C1orf167: variants seen among roughly 807,000 people sequenced by gnomAD.
C1orf167 encodes the protein chromosome 1 open reading frame 167, also known as uncharacterized protein C1orf167.
Under a neutral mutation model 176.5 loss-of-function variants are expected in C1orf167, and 153 were observed. That is an observed-to-expected ratio of 0.87 (90% CI 0.76 to 0.99). The LOEUF is 0.99. Among genes scored for constraint, C1orf167 ranks in the 50% least tolerant of loss-of-function variants. C1orf167 has a pLI of 0.00. For missense variants in C1orf167, 1,490 were observed against 1,817.7 expected (o/e 0.82, Z 3.28); for synonymous variants, 594 against 752.7 (o/e 0.79, Z 3.45).
Position 11,766,321 on chromosome 1 carries a change from G to A in C1orf167, c.535G>A (p.Gly179Arg), listed in dbSNP as rs920828705. ...GCTGCCGGCCCCAGGCACCCCTAGC[G>A]GGGACTTCAGGCCCACTGAAGCCTT... is the stretch of plus-strand genomic sequence containing the variant. ...SGLPAPGTPSGDFRPTEAFAP... is the reference protein window; with the variant it reads ...SGLPAPGTPSRDFRPTEAFAP... Residue 179 changes from glycine to arginine, a missense_variant, in exon 3 of 21, where the codon GGG (glycine) becomes AGG (arginine). Coordinates refer to ENST00000688073, the MANE Select transcript of C1orf167 (RefSeq NM_001010881.2). The surrounding 1 kb of genome is among the most constrained non-coding windows in gnomAD (Gnocchi z 4.5). 48 of 1,287,526 alleles carry A rather than the reference G, an allele frequency of 3.7e-5. No individual in the cohort carries two copies. The highest frequency in any genetic ancestry group is 5.6e-5 in the East Asian group (1 of 18,012). 79.8% of individuals were successfully genotyped at this position (1,287,526 alleles called of 1,614,324 possible).
chr1:11,765,878 G>T lies in C1orf167; in HGVS notation c.92G>T (p.Ser31Ile). Residue 31 changes from serine (S) to isoleucine (I), a missense_variant, in exon 3 of 21, where the codon AGC (serine) becomes ATC (isoleucine). Coordinates refer to ENST00000688073, the MANE Select transcript of C1orf167 (RefSeq NM_001010881.2). Reference protein sequence around the residue: ...PKPEQRRFRRSLGIGLSGRHD... With the variant: ...PKPEQRRFRRILGIGLSGRHD... ...TTAGAGCAACGAAGATTCCGGAGGA[G>T]CCTGGGCATCGGCCTGAGTGGTAGA... 8.4e-7 allele frequency: 1 copy of T among 1,195,834 alleles called. No homozygotes were observed. The highest frequency in any genetic ancestry group is 1.1e-6 in the Non-Finnish European group (1 of 943,930). The allele number at this position is 1,195,834 out of a possible 1,614,324, so 74.1% of individuals were successfully genotyped here. A position where few individuals can be genotyped will look rare whatever the true frequency, so the allele number is the denominator to read the frequency against.
intron 6 of C1orf167, 28 bp from the exon 7 acceptor site, chr1:11,771,496 G>C: frequency 7.8e-7 from 1 of 1,278,428 alleles, no homozygotes; most frequent in Non-Finnish European, 1.0e-6. Context: ...CGGGTCATCA[G>C]CTTCTCTCTG....
Position 11,779,907 on chromosome 1 carries a change from G to A in C1orf167, c.2757G>A (p.Trp919Ter). 7.7e-7 allele frequency: 1 copy of A among 1,302,930 alleles called. No homozygotes were observed. The highest frequency in any genetic ancestry group is 1.0e-6 in the Non-Finnish European group (1 of 988,776). 80.7% of individuals were successfully genotyped at this position (1,302,930 alleles called of 1,614,324 possible). The part of the protein sequence containing the change: ...DRTCRAVLGL[W>*]RQRLLQSRLV... ...CCTGCAGGGCTGTGCTGGGCCTGTG[G>A]CGTCAGCGGCTGCTGCAGTCACGGC... The change falls in exon 13 of 21, where the codon TGG (tryptophan) becomes TGA (stop). Residue 919 changes from tryptophan to a stop codon, truncating the protein, a stop_gained. Transcript: ENST00000688073. LOFTEE classifies it high-confidence loss of function.
rs1164679907 is a variant in C1orf167, at chr1:11,765,846, C to G, written c.71-11C>G. The G allele has an allele frequency of 8.4e-7, 1 of 1,189,092 alleles. No homozygotes were observed. The highest frequency in any genetic ancestry group is 1.1e-6 in the Non-Finnish European group (1 of 940,030). 73.7% of individuals were successfully genotyped at this position (1,189,092 alleles called of 1,614,324 possible). A position where few individuals can be genotyped will look rare whatever the true frequency, so the allele number is the denominator to read the frequency against. The stretch of plus-strand genomic sequence containing the variant: ...AGCCACCCAAGTCATGACTGTCTCT[C>G]CTCTCTTTAGAGCAACGAAGATTCC... On this transcript the variant is annotated splice_polypyrimidine_tract_variant and intron_variant, in intron 2 of 20. Coordinates refer to ENST00000688073, the MANE Select transcript of C1orf167 (RefSeq NM_001010881.2).
Position 11,766,747 on chromosome 1 carries a change from C to T in C1orf167, c.961C>T (p.Gln321Ter), listed in dbSNP as rs1271742453. ...GGCTAGTCTCTCAGACTCTTGGGCA[C>T]AAAGCAAGCTAATGTCACCTGAGAC... ...TPASLSDSWAQSKLMSPETTL... is the reference protein window; with the variant it reads ...TPASLSDSWA Residue 321 changes from glutamine to a stop codon, truncating the protein, a stop_gained, in exon 3 of 21, where the codon CAA becomes TAA. Coordinates refer to ENST00000688073, the MANE Select transcript of C1orf167 (RefSeq NM_001010881.2). LOFTEE classifies it high-confidence loss of function. The surrounding 1 kb of genome is among the most constrained non-coding windows in gnomAD (Gnocchi z 4.5). The T allele has an allele frequency of 7.8e-7, 1 of 1,289,690 alleles. No homozygotes were observed. The highest frequency in any genetic ancestry group is 1.0e-6 in the Non-Finnish European group (1 of 988,876). 79.9% of individuals were successfully genotyped at this position (1,289,690 alleles called of 1,614,324 possible). A position where few individuals can be genotyped will look rare whatever the true frequency, so the allele number is the denominator to read the frequency against.
In C1orf167 at chr1:11,782,322, G is replaced by A; in HGVS notation, c.2994G>A (p.Leu998=). 7.9e-7 allele frequency: 1 copy of A among 1,269,722 alleles called. No individual in the cohort carries two copies. The highest frequency in any genetic ancestry group is 1.0e-6 in the Non-Finnish European group (1 of 973,872). The allele number at this position is 1,269,722 out of a possible 1,614,324, so 78.7% of individuals were successfully genotyped here. ...QRCTVTRPEQ[L]LLQSYFQAWC... Reference sequence around the variant, plus strand: ...GCACAGTGACCCGGCCAGAGCAGCTGCTACTGCAGAGGTGGGTGGGCCTGG... The same window carrying A: ...GCACAGTGACCCGGCCAGAGCAGCTACTACTGCAGAGGTGGGTGGGCCTGG... The change falls in exon 14 of 21, where the codon CTG becomes CTA. Residue 998 remains leucine, a synonymous_variant. Transcript: ENST00000688073.
intron 8 of C1orf167, among the ~76,000 whole-genome samples, chr1:11,772,657 T>G (rs902833349): frequency 1.3e-5 from 2 of 152,044 alleles, no homozygotes; most frequent in African/African-American, 2.4e-5. Context: ...TGAGCATGCC[T>G]AGAACATGCT....
intron 6 of C1orf167, among the ~76,000 whole-genome samples, chr1:11,769,888 T>G (rs535651678): frequency 1.3e-5 from 2 of 151,960 alleles, no homozygotes; most frequent in African/African-American, 2.4e-5. Context: ...AGCCAGGACC[T>G]CAAGTGATCC....
At position 11,767,204 on chromosome 1, in the gene C1orf167, T is replaced by C; in HGVS notation, c.1300-17T>C. On this transcript the variant is annotated splice_polypyrimidine_tract_variant and intron_variant, in intron 3 of 20. Coordinates refer to ENST00000688073, the MANE Select transcript of C1orf167 (RefSeq NM_001010881.2). ...TGCTTGGCCTGAGAACTGTGTTATG[T>C]ACTCTTGCTTTCCCAGAACAAGGCA... 2 of 1,289,700 alleles carry C rather than the reference T, an allele frequency of 1.6e-6. No homozygotes were observed. The highest frequency in any genetic ancestry group is 2.0e-6 in the Non-Finnish European group (2 of 988,822). 79.9% of individuals were successfully genotyped at this position (1,289,700 alleles called of 1,614,324 possible). A position where few individuals can be genotyped will look rare whatever the true frequency, so the allele number is the denominator to read the frequency against.
chr1:11,771,439 C>A, intron 6 of C1orf167, 85 bp from the exon 7 acceptor site: 1 of 808,416 alleles, frequency 1.2e-6, no homozygotes, highest in Non-Finnish European at 1.8e-6. Context: ...GCAGACCGCA[C>A]CTGCCTGGGG....
chr1:11,770,125 A>G (rs1002177431), intron 6 of C1orf167, among the ~76,000 whole-genome samples: 2 of 135,616 alleles, frequency 1.5e-5, no homozygotes, highest in Non-Finnish European at 3.3e-5. Context: ...CATTTTTTAA[A>G]AAAAAGGGAA....
intron 3 of C1orf167, 39 bp downstream of exon 3, chr1:11,767,124 G>A (rs1445201573): frequency 7.9e-7 from 1 of 1,270,248 alleles, no homozygotes; most frequent in Admixed American, 2.3e-5. Context: ...GTAGGGGGTA[G>A]GAGGTGTTGC....
Position 11,787,998 on chromosome 1 carries a change from G to C in C1orf167, c.3799G>C (p.Glu1267Gln), listed in dbSNP as rs555402822. Residue 1267 changes from glutamate to glutamine, a missense_variant, in exon 18 of 21, where the codon GAG becomes CAG. Transcript: ENST00000688073. ...DQGPRAHSSP[E>Q]PRACKAQSKA... is the part of the protein sequence containing the mutation. ...GGGACCAAGAGCGCACTCCAGCCCT[G>C]AGCCCAGAGCCTGCAAAGCCCAAAG... is the stretch of plus-strand genomic sequence containing the variant. The C allele has an allele frequency of 7.7e-6, 10 of 1,303,756 alleles. 1 individual carries two copies. In the African/African-American group the frequency reaches 1.5e-4, roughly 20 times the overall value. The allele number at this position is 1,303,756 out of a possible 1,614,324, so 80.8% of individuals were successfully genotyped here.
intron 2 of C1orf167, 148 bp from the exon 3 acceptor site, chr1:11,765,709 G>A: frequency 1.4e-6 from 1 of 737,412 alleles, no homozygotes; most frequent in South Asian, 2.6e-5. Flanking sequence ...TTCACCCAGG[G>A]AGACAGAGCT....
Position 11,778,695 on chromosome 1 carries a change from A to T in C1orf167, c.2375A>T (p.Gln792Leu). The change falls in exon 11 of 21, where the codon CAG (glutamine) becomes CTG (leucine). Residue 792 changes from glutamine (Q) to leucine (L), a missense_variant. Gln to Leu is a moderately radical substitution (Grantham distance 113). Coordinates refer to ENST00000688073, the MANE Select transcript of C1orf167 (RefSeq NM_001010881.2). ...CAGGGCCTGCAGCAGCGGATGCTGCAGCGCAGCCTGAGATGGTGGCACTTG... is the reference window on the plus strand; with the variant it reads ...CAGGGCCTGCAGCAGCGGATGCTGCTGCGCAGCCTGAGATGGTGGCACTTG... ...FFQGLQQRML[Q>L]RSLRWWHLRA... is the part of the protein sequence containing the mutation. The T allele has an allele frequency of 7.7e-7, 1 of 1,303,248 alleles. No homozygotes were observed. The highest frequency in any genetic ancestry group is 1.0e-6 in the Non-Finnish European group (1 of 988,168). The allele number at this position is 1,303,248 out of a possible 1,614,324, so 80.7% of individuals were successfully genotyped here. A position where few individuals can be genotyped will look rare whatever the true frequency, so the allele number is the denominator to read the frequency against.
intron 2 of C1orf167, among the ~76,000 whole-genome samples, chr1:11,764,792 C>T (rs540703555): frequency 2.7e-4 from 41 of 152,224 alleles, no homozygotes; most frequent in African/African-American, 4.1e-4. Flanking sequence ...TGGTGGCTCA[C>T]GCTTGTAATC....
At position 11,789,400 on chromosome 1, in the gene C1orf167, G is replaced by A. The variant is rs770052934; in HGVS notation, c.4304G>A (p.Arg1435Gln). The stretch of plus-strand genomic sequence containing the variant: ...GGACAGGAAGCCGCCAGAGCACCGC[G>A]GGGTTGGGGGCTTGGGGCAGAGCAT... Reference protein sequence around the residue: ...ESGQEAARAPRGWGLGAEHGA... With the variant: ...ESGQEAARAPQGWGLGAEHGA... The change falls in exon 21 of 21, where the codon CGG becomes CAG. Residue 1435 changes from arginine (R) to glutamine (Q), a missense_variant. Transcript: ENST00000688073. 6 of 1,303,474 alleles carry A rather than the reference G, an allele frequency of 4.6e-6. No homozygotes were observed. The highest frequency in any genetic ancestry group is 2.5e-5 in the South Asian group (2 of 80,994). 80.7% of individuals were successfully genotyped at this position (1,303,474 alleles called of 1,614,324 possible).
Position 11,766,928 on chromosome 1 carries a change from G to C in C1orf167, c.1142G>C (p.Gly381Ala), listed in dbSNP as rs1387435411. 1 of 1,216,374 alleles carries C rather than the reference G, an allele frequency of 8.2e-7. No individual in the cohort carries two copies. Among genetic ancestry groups the C allele is most frequent in the East Asian group, 5.8e-5 (1 of 17,380 alleles). 75.3% of individuals were successfully genotyped at this position (1,216,374 alleles called of 1,614,324 possible). Residue 381 changes from glycine (G) to alanine (A), a missense_variant, in exon 3 of 21, where the codon GGG becomes GCG. Transcript: ENST00000688073. The surrounding 1 kb of genome is among the most constrained non-coding windows in gnomAD (Gnocchi z 4.5). Reference protein sequence around the residue: ...PSLPRGVGSRGTDPCSSAFSN... With the variant: ...PSLPRGVGSRATDPCSSAFSN... ...CTCCCTCGAGGGGTGGGAAGCAGGG[G>C]GACCGACCCCTGTTCCTCAGCCTTC... is the stretch of plus-strand genomic sequence containing the variant.
chr1:11,784,769 G>C (rs1643768103), intron 15 of C1orf167, among the ~76,000 whole-genome samples, 176 bp downstream of exon 15: 1 of 152,188 alleles, frequency 6.6e-6, no homozygotes, highest in Non-Finnish European at 1.5e-5. Context: ...GCCACATCCT[G>C]ACACCGCCTC....
Sources: allele counts gnomAD v4.1 joint callset (sites outside exome capture counted in the v4.1 genomes callset), GRCh38; gene constraint gnomAD v4.1.1; non-coding constraint Gnocchi (gnomAD v3.1); transcripts MANE v1.5; gene names NCBI Gene and HGNC (gene_info 2026-07-23, HGNC 2026-07-21).